CEP72: variants seen among roughly 807,000 people sequenced by gnomAD.
CEP72 encodes centrosomal protein of 72 kDa.
A neutral mutation model predicts 65.7 loss-of-function variants in CEP72; 78 were observed. That is an observed-to-expected ratio of 1.19 (90% CI 0.99 to 1.43). The LOEUF (loss-of-function observed/expected upper bound fraction) is 1.43, where lower values mean the gene tolerates loss of function less well. Ranked by LOEUF, CEP72 falls within the 40% of genes most tolerant of loss-of-function variation. The pLI is 0.00. For synonymous variants in CEP72, 358 were observed against 351.7 expected, an observed-to-expected ratio of 1.02 and a Z score of -0.20; for missense variants, 914 against 832.9, an observed-to-expected ratio of 1.10 and a Z score of -1.20.
At chr5:666,129 G>GGGGCAGAGGCGACTTA (rs1554021104) in intron 4 of CEP72, 40 of 1,606,814 alleles carry the variant, frequency 2.5e-5, no homozygotes, top group South Asian at 1.1e-4. Context: ...TCCCTCTACA[G>GGGGCAGAGGCGACTTA]GGGCACAGGC....
chr5:669,807 C>T (rs1391206143), downstream of CEP72, among the ~76,000 whole-genome samples: 2 of 152,074 alleles, frequency 1.3e-5, no homozygotes, highest in Admixed American at 6.5e-5. Context: ...CCCGGGTGCC[C>T]CCCGCCTGGG....
rs777245451 is a variant in CEP72 at position 635,576 on chromosome 5, C to T, written c.896C>T (p.Pro299Leu). 3 of 1,611,284 alleles carry T rather than the reference C, an allele frequency of 1.9e-6. No homozygotes were observed. The highest frequency in any genetic ancestry group is 2.5e-6 in the Non-Finnish European group (3 of 1,177,932). Residue 299 changes from proline (P) to leucine (L), a missense_variant, in exon 6 of 12, where the codon CCA becomes CTA. Physicochemically the swap from Pro to Leu is moderately conservative, Grantham distance 98 (BLOSUM62 -3). Coordinates refer to ENST00000264935, the MANE Select transcript of CEP72 (RefSeq NM_018140.4). ...CCCAGGCCACACACGTACTTCACCC[C>T]ACACCCAGGTACTTACGCGTGTCTT... ...RAPRPHTYFT[P>L]HPDSMDTEDS...
At chr5:649,924 TG>T (rs1416550847) in intron 11 of CEP72, among the ~76,000 whole-genome samples, 14 of 61,246 alleles carry the variant, frequency 2.3e-4, no homozygotes, top group South Asian at 6.3e-4. Flanking sequence ...CTGTGAGGTG[TG>T]GACTGTGAGG....
Position 642,162 on chromosome 5 carries a change from G to A in CEP72, c.1539+1558G>A, listed in dbSNP as rs1478317121. The A allele has an allele frequency of 5.0e-5, 45 of 893,996 alleles. 6 individuals carry two copies. Among genetic ancestry groups the A allele is most frequent in the African/African-American group, 6.1e-5 (3 of 49,396 alleles). The allele number at this position is 893,996 out of a possible 1,614,324, so 55.4% of individuals were successfully genotyped here. ...TGCATTTGAACACACGTGGTCCCCC[G>A]TCTAGAAGCCTCTGCATTTAAACAC... On this transcript the variant is annotated intron_variant, in intron 9 of 11. Transcript: ENST00000264935.
At chr5:648,532 AGGTGT>A (rs1738595065) in intron 11 of CEP72, among the ~76,000 whole-genome samples, 1 of 138,588 alleles carries the variant, frequency 7.2e-6, no homozygotes, top group Non-Finnish European at 1.5e-5. Context: ...TGTGACTGTG[AGGTGT>A]GACTGTGAGG....
At chr5:647,746 C>G in intron 10 of CEP72, 59 bp from the exon 11 acceptor site, 1 of 1,126,272 alleles carries the variant, frequency 8.9e-7, no homozygotes, top group Non-Finnish European at 1.3e-6. Flanking sequence ...TTTTCATTTT[C>G]AAAATGTATT....
intron 4 of CEP72, among the ~76,000 whole-genome samples, chr5:627,790 TA>T (rs1293656738): frequency 6.6e-6 from 1 of 152,210 alleles, no homozygotes; most frequent in East Asian, 1.9e-4. Flanking sequence ...AGTCAAAAAA[TA>T]GTATTTTACT....
chr5:643,441 G>C (rs1033905525), intron 9 of CEP72: 1 of 985,328 alleles, frequency 1.0e-6, no homozygotes, highest in Admixed American at 6.1e-5. Context: ...CAGACCCAGC[G>C]ATCAGCTTTC....
downstream of CEP72, among the ~76,000 whole-genome samples, chr5:668,190 C>T (rs1460961509): frequency 4.0e-5 from 5 of 124,206 alleles, no homozygotes; most frequent in African/African-American, 1.5e-4. Context: ...TCCGCGTGGG[C>T]GCCGTCAGGG....
chr5:649,920 G>C (rs1406750138), intron 11 of CEP72, among the ~76,000 whole-genome samples: 1 of 114,930 alleles, frequency 8.7e-6, no homozygotes, highest in Non-Finnish European at 1.8e-5. Context: ...GTGACTGTGA[G>C]GTGTGGACTG....
chr5:614,395 T>G (rs1735861954), intron 1 of CEP72, among the ~76,000 whole-genome samples: 2 of 152,194 alleles, frequency 1.3e-5, no homozygotes, highest in East Asian at 3.9e-4. Flanking sequence ...TTTCATCCAG[T>G]TCAGCGTATT....
rs141221365 is a variant in CEP72 at position 640,533 on chromosome 5, GAGC to G, written c.1482_1484del (p.Gln494del). The G allele has an allele frequency of 3.1e-6, 5 of 1,613,772 alleles. No homozygotes were observed. Among genetic ancestry groups the G allele is most frequent in the Non-Finnish European group, 3.4e-6 (4 of 1,179,782 alleles). ...TAAGTCCCTGCAAAGCCGCCTTGCT[GAGC>G]AGCAGCAGCAGCACGCCCGGGAGAT... On this transcript the variant is annotated inframe_deletion, in exon 9 of 12. Transcript: ENST00000264935.
chr5:619,626 G>A (rs1486273365), intron 2 of CEP72, among the ~76,000 whole-genome samples: 1 of 152,222 alleles, frequency 6.6e-6, no homozygotes, highest in Non-Finnish European at 1.5e-5. Flanking sequence ...GGCCACGTCT[G>A]ACACCAGCTC....
chr5:638,054 C>T (rs563329548), intron 7 of CEP72, among the ~76,000 whole-genome samples: 52 of 152,334 alleles, frequency 3.4e-4, no homozygotes, highest in African/African-American at 1.2e-3. Flanking sequence ...GACCGTGTCC[C>T]AGGATAAAGG....
At chr5:666,515 G>T (rs1739922204) in intron 4 of CEP72, among the ~76,000 whole-genome samples, 1 of 152,208 alleles carries the variant, frequency 6.6e-6, no homozygotes, top group Non-Finnish European at 1.5e-5. Flanking sequence ...TGTGTGTTGG[G>T]GTCCTAGGTG....
In CEP72 at chr5:645,513, C is replaced by T. The variant is rs1220685864; in HGVS notation, c.1666+1088C>T. Among the ~76,000 whole-genome samples the T allele has an allele frequency of 6.6e-6, 1 of 151,174 alleles. No homozygotes were observed. Among genetic ancestry groups the T allele is most frequent in the African/African-American group, 2.4e-5 (1 of 41,118 alleles). On this transcript the variant is annotated intron_variant, in intron 10 of 11. Coordinates refer to ENST00000264935, the MANE Select transcript of CEP72 (RefSeq NM_018140.4). This position sits in a 1 kb window ranked among gnomAD's most constrained non-coding sequence, Gnocchi z 4.0. ...CCGGGAGAACTGTGTGTGTGGTTTG[C>T]TCTCCCGGCTCTGTGGGCTTTCTCT...
Position 647,847 on chromosome 5 carries a change from A to C in CEP72, c.1709A>C (p.Glu570Ala), listed in dbSNP as rs749209334. 1 of 1,612,498 alleles carries C rather than the reference A, an allele frequency of 6.2e-7. No homozygotes were observed. The highest frequency in any genetic ancestry group is 1.1e-5 in the South Asian group (1 of 91,060). Residue 570 changes from glutamate (E) to alanine (A), a missense_variant, in exon 11 of 12, where the codon GAA (glutamate) becomes GCA (alanine). Transcript: ENST00000264935. ...SVKRLCGEIV[E>A]LKQHLEHYDK... The stretch of plus-strand genomic sequence containing the variant: ...AAGAGGCTGTGTGGCGAGATTGTGG[A>C]ACTGAAGCAGCACCTGGAGCACTAC...
rs1266032983 is a variant in CEP72 at position 645,757 on chromosome 5, C to G, written c.1666+1332C>G. Among the ~76,000 whole-genome samples the G allele has an allele frequency of 6.6e-6, 1 of 152,218 alleles. No homozygotes were observed. Among genetic ancestry groups the G allele is most frequent in the Admixed American group, 6.5e-5 (1 of 15,290 alleles). On this transcript the variant is annotated intron_variant, in intron 10 of 11. Coordinates refer to ENST00000264935, the MANE Select transcript of CEP72 (RefSeq NM_018140.4). This position sits in a 1 kb window ranked among gnomAD's most constrained non-coding sequence, Gnocchi z 4.0. The stretch of plus-strand genomic sequence containing the variant: ...CAGAGTAAATAATAGTCTAACTTGT[C>G]TTTGTTACTCGGTCTTAAATGTATG...
intron 1 of CEP72, among the ~76,000 whole-genome samples, chr5:613,171 T>C (rs1579911228): frequency 6.6e-6 from 1 of 152,216 alleles, no homozygotes; most frequent in East Asian, 1.9e-4. Context: ...TTGAGTTGTT[T>C]CTGGTGTTCT....
Sources: allele counts gnomAD v4.1 joint callset (sites outside exome capture counted in the v4.1 genomes callset), GRCh38; gene constraint gnomAD v4.1.1; non-coding constraint Gnocchi (gnomAD v3.1); transcripts MANE v1.5; gene names NCBI Gene and HGNC (gene_info 2026-07-23, HGNC 2026-07-21).